Variants in APP observed in about 807,000 individuals in gnomAD.
The protein encoded by APP is amyloid beta precursor protein.
Under a neutral mutation model 101.4 loss-of-function variants are expected in APP, and 31 were observed. The observed-to-expected ratio is 0.31, with a 90% CI of 0.23 to 0.41. The LOEUF (loss-of-function observed/expected upper bound fraction) is 0.41. APP is among the 10% of genes least tolerant of loss of function. The pLI, the probability that APP is intolerant of heterozygous loss-of-function variation, is 1.00. For missense variants in APP, 839 were observed against 1,003.7 expected, an observed-to-expected ratio of 0.84 and a Z score of 2.22; for synonymous variants, 366 against 364.4, an observed-to-expected ratio of 1.00 and a Z score of -0.05.
Position 25,963,103 on chromosome 21 carries a change from C to T in APP, c.1459-7348G>A, listed in dbSNP as rs567245226. ...TGCTGGGATTACAGGCGTGAGCCACCGCCCCTGGTGCTAGTACATTTTTTA... is the reference window on the plus strand; with the variant it reads ...TGCTGGGATTACAGGCGTGAGCCACTGCCCCTGGTGCTAGTACATTTTTTA... On this transcript the variant is annotated intron_variant, in intron 11 of 17. Coordinates refer to ENST00000346798, the MANE Select transcript of APP (RefSeq NM_000484.4). Among the ~76,000 whole-genome samples the T allele has an allele frequency of 1.1e-4, 16 of 152,280 alleles. No individual in the cohort carries two copies. The South Asian group carries it at 2.5e-3, about 24-fold the overall frequency.
At chr21:25,890,722 C>CAA (rs10686276) in intron 17 of APP, among the ~76,000 whole-genome samples, 3,132 of 114,662 alleles carry the variant, frequency 0.027, 216 homozygotes, top group African/African-American at 0.096. Context: ...GAGACTGTCT[C>CAA]AAAAAAAAAA....
intron 4 of APP, among the ~76,000 whole-genome samples, chr21:26,051,900 G>A (rs2045855265): frequency 6.6e-6 from 1 of 152,168 alleles, no homozygotes; most frequent in African/African-American, 2.4e-5. Context: ...TTGACCTTAT[G>A]GGAGTCATTT....
chr21:25,971,763 A>T (rs1338709108), intron 11 of APP, among the ~76,000 whole-genome samples: 5 of 152,216 alleles, frequency 3.3e-5, no homozygotes, highest in Non-Finnish European at 4.4e-5. Context: ...GTCAGGTGAG[A>T]AAACTTAACA....
intron 1 of APP, among the ~76,000 whole-genome samples, chr21:26,142,892 T>C (rs1409815749): frequency 6.6e-6 from 1 of 152,222 alleles, no homozygotes. Flanking sequence ...GTTGAAATGG[T>C]CAATGCTAGA....
At position 26,015,843 on chromosome 21, in the gene APP, C is replaced by A. The variant is rs570734179; in HGVS notation, c.865+5997G>T. Among the ~76,000 whole-genome samples, 50 of 152,252 alleles carry A rather than the reference C, an allele frequency of 3.3e-4. 1 individual carries two copies. The East Asian group carries it at 8.7e-3, about 26-fold the overall frequency. ...TAGTAAATGTTTTCAGTTTTGCAGG[C>A]AACACAATCTCTTTTGCGATCCTCA... On this transcript the variant is annotated intron_variant, in intron 6 of 17. Transcript: ENST00000346798.
intron 1 of APP, among the ~76,000 whole-genome samples, chr21:26,147,946 A>G (rs533310799): frequency 4.1e-4 from 63 of 152,200 alleles, no homozygotes; most frequent in Non-Finnish European, 8.5e-4. Flanking sequence ...GCCACCTGAA[A>G]CCACCAAAGA....
intron 6 of APP, among the ~76,000 whole-genome samples, chr21:26,017,675 T>G (rs1204482457): frequency 2.6e-5 from 4 of 152,160 alleles, no homozygotes; most frequent in Non-Finnish European, 4.4e-5. Context: ...AAATAAAAGA[T>G]TATGCCATTT....
At chr21:26,136,736 T>G (rs979260905) in intron 1 of APP, among the ~76,000 whole-genome samples, 8 of 152,008 alleles carry the variant, frequency 5.3e-5, no homozygotes, top group Non-Finnish European at 1.2e-4. Context: ...ACAGGTTGGT[T>G]GTTTTAGAAG....
At chr21:25,926,127 G>A (rs2039886677) in intron 13 of APP, among the ~76,000 whole-genome samples, 1 of 152,186 alleles carries the variant, frequency 6.6e-6, no homozygotes, top group Middle Eastern at 3.2e-3. Flanking sequence ...CCACAGGAAA[G>A]GAAAGACTGG....
At chr21:26,039,147 A>G (rs544344465) in intron 5 of APP, among the ~76,000 whole-genome samples, 1 of 152,182 alleles carries the variant, frequency 6.6e-6, no homozygotes, top group Non-Finnish European at 1.5e-5. Context: ...TAAGTGCAAT[A>G]CTGCCCTTTC....
At chr21:26,081,954 A>C (rs1343447029) in intron 3 of APP, among the ~76,000 whole-genome samples, 4 of 152,220 alleles carry the variant, frequency 2.6e-5, no homozygotes, top group Non-Finnish European at 5.9e-5. Context: ...ATGATGGCTC[A>C]TGTCTGTAAT....
chr21:26,001,380 T>C (rs2043286829), intron 6 of APP, among the ~76,000 whole-genome samples: 1 of 152,240 alleles, frequency 6.6e-6, no homozygotes, highest in Non-Finnish European at 1.5e-5. Context: ...GTTTGTGCCC[T>C]GCCCTTGCTA....
At chr21:25,977,866 T>C (rs949345679) in intron 9 of APP, among the ~76,000 whole-genome samples, 1 of 152,226 alleles carries the variant, frequency 6.6e-6, no homozygotes, top group Admixed American at 6.5e-5. Flanking sequence ...TGGAAGACCA[T>C]CTTTGCTTTA....
At chr21:26,158,700 C>G (rs1226787786) in intron 1 of APP, among the ~76,000 whole-genome samples, 2 of 152,180 alleles carry the variant, frequency 1.3e-5, no homozygotes, top group African/African-American at 4.8e-5. Flanking sequence ...CACACTGTCT[C>G]CTTCACTTAT....
chr21:26,002,633 G>C (rs1194498095), intron 6 of APP, among the ~76,000 whole-genome samples: 1 of 152,220 alleles, frequency 6.6e-6, no homozygotes, highest in Non-Finnish European at 1.5e-5. Context: ...ACTGTGCCGG[G>C]AATTGGCACT....
intron 1 of APP, among the ~76,000 whole-genome samples, chr21:26,128,146 A>C (rs2062721042): frequency 6.6e-6 from 1 of 152,198 alleles, no homozygotes; most frequent in African/African-American, 2.4e-5. Context: ...GTTGTCTCTA[A>C]AAGAGACAAA....
At chr21:26,109,696 AG>A (rs80211257) in intron 2 of APP, among the ~76,000 whole-genome samples, 8,188 of 142,228 alleles carry the variant, frequency 0.058, 420 homozygotes, top group African/African-American at 0.14. Flanking sequence ...ACGGGAAAAG[AG>A]GGGTGTTCCT....
intron 3 of APP, among the ~76,000 whole-genome samples, chr21:26,077,322 G>A (rs756876852): frequency 1.3e-5 from 2 of 152,006 alleles, no homozygotes; most frequent in African/African-American, 2.4e-5. Flanking sequence ...TGGAACATGA[G>A]CCCACCCCTT....
chr21:26,102,078 T>C (rs1389555229), intron 2 of APP, among the ~76,000 whole-genome samples: 1 of 147,870 alleles, frequency 6.8e-6, no homozygotes, highest in South Asian at 2.1e-4. Flanking sequence ...AGTAAAACTA[T>C]GTGGTTTTTT....
Sources: gnomAD v4.1 joint callset for allele counts (sites outside exome capture counted in the v4.1 genomes callset) on GRCh38, gnomAD v4.1.1 for gene constraint, MANE v1.5 for transcripts, NCBI Gene and HGNC (gene_info 2026-07-23, HGNC 2026-07-21) for gene names.